MCTP2: variants seen among roughly 807,000 people sequenced by gnomAD.
MCTP2 encodes the protein multiple C2 and transmembrane domain containing 2.
Under a neutral mutation model 111.6 loss-of-function variants are expected in MCTP2, and 132 were observed. The observed-to-expected ratio is 1.18, with a 90% CI of 1.03 to 1.37. The LOEUF is 1.37. MCTP2 is among the 40% of genes most tolerant of loss of function. The pLI is 0.00. For missense variants in MCTP2, 1,183 were observed against 1,067.9 expected (o/e 1.11, Z -1.50); for synonymous variants, 395 against 387.7 (o/e 1.02, Z -0.22).
At chr15:94,454,409 C>CTT (rs2084669196) in intron 19 of MCTP2, among the ~76,000 whole-genome samples, 1 of 152,126 alleles carries the variant, frequency 6.6e-6, no homozygotes, top group African/African-American at 2.4e-5. Flanking sequence ...AGTGTCCACA[C>CTT]TTACAATATT....
intron 1 of MCTP2, among the ~76,000 whole-genome samples, chr15:94,260,327 C>T (rs945346211): frequency 6.6e-6 from 1 of 152,192 alleles, no homozygotes; most frequent in African/African-American, 2.4e-5. Context: ...GAGTCCAGCC[C>T]ACTCAACTTT....
chr15:94,458,066 TATA>T (rs2084947374), intron 19 of MCTP2, 68 bp from the exon 20 acceptor site: 11 of 837,884 alleles, frequency 1.3e-5, no homozygotes, highest in Non-Finnish European at 2.2e-5. Context: ...TATAACATGT[TATA>T]ATATTTTCTG....
At chr15:94,401,027 A>T in intron 16 of MCTP2, among the ~76,000 whole-genome samples, 1 of 152,052 alleles carries the variant, frequency 6.6e-6, no homozygotes, top group East Asian at 1.9e-4. Context: ...ACCTGGGTTG[A>T]GGTGGGTGGG....
At chr15:94,273,754 A>G (rs1411110364) in intron 1 of MCTP2, 2 of 183,488 alleles carry the variant, frequency 1.1e-5, no homozygotes, top group African/African-American at 4.7e-5. Context: ...TTCCCAATGC[A>G]TGCACACCCA....
chr15:94,406,028 A>G (rs544820164), intron 17 of MCTP2, among the ~76,000 whole-genome samples: 1 of 152,292 alleles, frequency 6.6e-6, no homozygotes, highest in East Asian at 1.9e-4. Flanking sequence ...ATATTTCCCT[A>G]TGAATAGATT....
At chr15:94,362,607 C>T (rs188387202) in intron 10 of MCTP2, among the ~76,000 whole-genome samples, 182 of 152,334 alleles carry the variant, frequency 1.2e-3, no homozygotes, top group African/African-American at 4.2e-3. Flanking sequence ...TTGACACATT[C>T]ACCATTTTCC....
Position 94,315,630 on chromosome 15 carries a change from T to C in MCTP2, c.630T>C (p.Asp210=). 6.2e-7 allele frequency: 1 copy of C among 1,613,590 alleles called. No homozygotes were observed. Among genetic ancestry groups the C allele is most frequent in the Non-Finnish European group, 8.5e-7 (1 of 1,179,554 alleles). Residue 210 remains aspartate, a synonymous_variant, in exon 4 of 23, where the codon GAT becomes GAC. Transcript: ENST00000357742. The part of the protein sequence containing the change: ...LKEGRNLVVR[D]RCGTSDPYVK... ...AAGGCCGGAACCTGGTTGTCCGAGA[T>C]CGCTGTGGTAAGACCTGGGTCTGTT...
At chr15:94,426,141 TGAGAGAGAGAGAGA>T (rs10603478) in intron 17 of MCTP2, among the ~76,000 whole-genome samples, 4 of 140,856 alleles carry the variant, frequency 2.8e-5, no homozygotes, top group Non-Finnish European at 4.7e-5. Flanking sequence ...AGAGAGAGAT[TGAGAGAGAGAGAGA>T]GAGAGAGAGA....
At chr15:94,406,991 T>C (rs2081934709) in intron 17 of MCTP2, among the ~76,000 whole-genome samples, 1 of 152,066 alleles carries the variant, frequency 6.6e-6, no homozygotes, top group South Asian at 2.1e-4. Context: ...ATATGTCTAG[T>C]GGGGATCTCT....
intron 17 of MCTP2, among the ~76,000 whole-genome samples, chr15:94,410,143 C>T (rs192492237): frequency 4.3e-4 from 65 of 152,274 alleles, no homozygotes; most frequent in African/African-American, 1.4e-3. Flanking sequence ...TTACTGCTAT[C>T]TGATATAACT....
chr15:94,250,414 G>A (rs540332801), intron 1 of MCTP2, among the ~76,000 whole-genome samples: 3 of 152,184 alleles, frequency 2.0e-5, no homozygotes, highest in East Asian at 1.9e-4. Context: ...ATTTCATGTC[G>A]TGAGCACGTA....
At chr15:94,354,172 C>T (rs1481711891) in intron 8 of MCTP2, among the ~76,000 whole-genome samples, 1 of 151,892 alleles carries the variant, frequency 6.6e-6, no homozygotes, top group Non-Finnish European at 1.5e-5. Context: ...GAGGATAGTT[C>T]TTTCTTTTTA....
At chr15:94,398,864 G>A in intron 14 of MCTP2, 97 bp from the exon 15 acceptor site, 2 of 664,626 alleles carry the variant, frequency 3.0e-6, no homozygotes, top group Non-Finnish European at 5.5e-6. Context: ...TGTGATCATT[G>A]TGCATCCCCA....
At chr15:94,370,009 C>A in intron 11 of MCTP2, 78 bp from the exon 12 acceptor site, 1 of 785,548 alleles carries the variant, frequency 1.3e-6, no homozygotes, top group South Asian at 2.5e-5. Context: ...ATCTAGGATG[C>A]ACTTCCTATA....
intron 20 of MCTP2, among the ~76,000 whole-genome samples, chr15:94,469,738 G>A (rs2073748790): frequency 6.6e-6 from 1 of 152,054 alleles, no homozygotes; most frequent in African/African-American, 2.4e-5. Flanking sequence ...AGGCTGTGGT[G>A]TCTCTTGCCT....
chr15:94,285,659 A>G (rs1417456245), intron 1 of MCTP2, among the ~76,000 whole-genome samples: 3 of 152,210 alleles, frequency 2.0e-5, no homozygotes, highest in Non-Finnish European at 4.4e-5. Flanking sequence ...GTGGATGTGT[A>G]AGTGTCTGAA....
chr15:94,347,673 A>G (rs1415549370), intron 8 of MCTP2, among the ~76,000 whole-genome samples: 2 of 152,232 alleles, frequency 1.3e-5, no homozygotes, highest in African/African-American at 2.4e-5. Flanking sequence ...TGTATTTACT[A>G]TATACAATCT....
At chr15:94,252,420 C>T (rs916537599) in intron 1 of MCTP2, among the ~76,000 whole-genome samples, 1 of 152,112 alleles carries the variant, frequency 6.6e-6, no homozygotes, top group African/African-American at 2.4e-5. Flanking sequence ...TAAGACATGA[C>T]CTTTTGAATT....
chr15:94,338,165 C>T (rs1184983297), intron 4 of MCTP2, among the ~76,000 whole-genome samples: 1 of 152,100 alleles, frequency 6.6e-6, no homozygotes, highest in African/African-American at 2.4e-5. Flanking sequence ...AATAAATATT[C>T]TGGGGGCCTA....
Sources: gnomAD v4.1 joint callset for allele counts (sites outside exome capture counted in the v4.1 genomes callset) on GRCh38, gnomAD v4.1.1 for gene constraint, MANE v1.5 for transcripts, NCBI Gene and HGNC (gene_info 2026-07-23, HGNC 2026-07-21) for gene names.